The following ANXA7 variants were observed in gnomAD, a reference collection of about 807,000 sequenced individuals.
ANXA7 encodes annexin VII.
In ANXA7, 55 loss-of-function variants were observed where a neutral mutation model predicts 64.9. That is an observed-to-expected ratio of 0.85 (90% confidence interval 0.68 to 1.06). The LOEUF (loss-of-function observed/expected upper bound fraction) is 1.06, where lower values mean the gene tolerates loss of function less well. Ranked by LOEUF, ANXA7 falls within the 50% of genes least tolerant of loss-of-function variation. ANXA7 has a pLI of 0.00. For missense variants in ANXA7, 548 were observed against 582.1 expected (o/e 0.94, Z 0.60); for synonymous variants, 200 against 192.4 (o/e 1.04, Z -0.33).
At chr10:73,379,574 A>C (rs1251410181) in intron 11 of ANXA7, among the ~76,000 whole-genome samples, 1 of 152,180 alleles carries the variant, frequency 6.6e-6, no homozygotes, top group African/African-American at 2.4e-5. Context: ...AAGTGCTACA[A>C]CTATCAGGTA....
intron 1 of ANXA7, among the ~76,000 whole-genome samples, chr10:73,413,361 G>C (rs147663589): frequency 0.013 from 1,953 of 152,256 alleles, 14 homozygotes; most frequent in Non-Finnish European, 0.022. Context: ...AGACAACAGC[G>C]TCATGTCTGT....
intron 1 of ANXA7, among the ~76,000 whole-genome samples, chr10:73,412,381 T>C (rs1381551224): frequency 6.6e-6 from 1 of 152,056 alleles, no homozygotes; most frequent in Non-Finnish European, 1.5e-5. Context: ...ATTGTACATA[T>C]ATCATTTATT....
intron 12 of ANXA7, among the ~76,000 whole-genome samples, chr10:73,378,168 A>C (rs1440650326): frequency 6.6e-6 from 1 of 151,604 alleles, no homozygotes; most frequent in Non-Finnish European, 1.5e-5. Context: ...TGAGGTCAGG[A>C]GTTCGAGACC....
chr10:73,409,962 A>G (rs1281313589), intron 1 of ANXA7, among the ~76,000 whole-genome samples: 1 of 152,218 alleles, frequency 6.6e-6, no homozygotes, highest in Non-Finnish European at 1.5e-5. Context: ...GGCAAGCCAC[A>G]TGAAGAATGA....
chr10:73,387,608 T>C, intron 7 of ANXA7, 81 bp downstream of exon 7: 3 of 1,113,814 alleles, frequency 2.7e-6, no homozygotes, highest in Non-Finnish European at 4.1e-6. Context: ...CAGGTACTAA[T>C]CAAAATATAG....
chr10:73,375,976 G>A lies in ANXA7; in HGVS notation c.*119C>T. On this transcript the variant is annotated 3_prime_UTR_variant, in exon 13 of 13. Coordinates refer to ENST00000372921, the MANE Select transcript of ANXA7 (RefSeq NM_001156.5). ...AAACCAAGCACATTACCCTGATACG[G>A]TCCTTGACAGAAAGCTCTTTCGGTT... is the stretch of plus-strand genomic sequence containing the variant. 1 of 823,466 alleles carries A rather than the reference G, an allele frequency of 1.2e-6. No individual in the cohort carries two copies. Among genetic ancestry groups the A allele is most frequent in the Non-Finnish European group, 1.8e-6 (1 of 560,922 alleles). 51.0% of individuals were successfully genotyped at this position (823,466 alleles called of 1,614,324 possible). A position where few individuals can be genotyped will look rare whatever the true frequency, so the allele number is the denominator to read the frequency against.
chr10:73,387,519 C>CAAAACAAAACGAA (rs1554816528), intron 7 of ANXA7, among the ~76,000 whole-genome samples, 170 bp downstream of exon 7: 2 of 151,812 alleles, frequency 1.3e-5, no homozygotes, highest in African/African-American at 4.9e-5. Flanking sequence ...CATCTCAAAA[C>CAAAACAAAACGAA]AAAACAAAAC....
At chr10:73,387,346 C>T (rs2055391610) in intron 7 of ANXA7, among the ~76,000 whole-genome samples, 1 of 152,062 alleles carries the variant, frequency 6.6e-6, no homozygotes, top group Non-Finnish European at 1.5e-5. Flanking sequence ...GAAACTCTGT[C>T]TCTACTAAAA....
chr10:73,412,377 C>T (rs1329460319), intron 1 of ANXA7, among the ~76,000 whole-genome samples: 6 of 151,892 alleles, frequency 4.0e-5, no homozygotes, highest in Non-Finnish European at 8.8e-5. Context: ...TAGAATTGTA[C>T]ATATATCATT....
Position 73,387,738 on chromosome 10 carries a change from T to C in ANXA7, c.584A>G (p.Asn195Ser), listed in dbSNP as rs369628555. The C allele has an allele frequency of 1.8e-5, 29 of 1,614,148 alleles. No homozygotes were observed. The highest frequency in any genetic ancestry group is 8.0e-5 in the African/African-American group (6 of 75,040). ...TGCTTTAATTTTTTGCCTCTGATCA[T>C]TGGAACGGTTGGCCACCACATCCAC... ...AIVDVVANRSNDQRQKIKAAF... is the reference protein window; with the variant it reads ...AIVDVVANRSSDQRQKIKAAF... The change falls in exon 7 of 13, where the codon AAT becomes AGT. Residue 195 changes from asparagine to serine, a missense_variant. By Grantham distance (46) the Asn-to-Ser change is conservative (BLOSUM62 1). Transcript: ENST00000372921.
intron 5 of ANXA7, 90 bp downstream of exon 5, chr10:73,396,429 T>C: frequency 1.1e-6 from 1 of 933,762 alleles, no homozygotes; most frequent in Admixed American, 2.4e-5. Flanking sequence ...TAATGGGCCA[T>C]TTCCTCCGAC....
intron 2 of ANXA7, among the ~76,000 whole-genome samples, chr10:73,400,217 G>T (rs935687427): frequency 6.6e-6 from 1 of 152,070 alleles, no homozygotes; most frequent in African/African-American, 2.4e-5. Flanking sequence ...AGTCCTCAGA[G>T]TAGTATAGCT....
chr10:73,388,063 C>A (rs911054824), intron 6 of ANXA7, among the ~76,000 whole-genome samples: 3 of 151,928 alleles, frequency 2.0e-5, no homozygotes, highest in Admixed American at 6.6e-5. Context: ...CCATGTTGGC[C>A]AGGCTGGTCT....
At chr10:73,411,273 T>C (rs913312435) in intron 1 of ANXA7, among the ~76,000 whole-genome samples, 2 of 152,124 alleles carry the variant, frequency 1.3e-5, no homozygotes, top group Non-Finnish European at 2.9e-5. Flanking sequence ...TATGAAGTGA[T>C]ATAATGGACT....
Position 73,406,232 on chromosome 10 carries a change from A to G in ANXA7, c.-1-5375T>C, listed in dbSNP as rs556005310. ...CGGCCTCCCAAGGTGCTGGGATCGC[A>G]GGCATGAGCCACTGCGCCCGGCCAA... On this transcript the variant is annotated intron_variant, in intron 1 of 12. Transcript: ENST00000372921. Among the ~76,000 whole-genome samples the G allele has an allele frequency of 1.4e-4, 21 of 152,300 alleles. 1 individual carries two copies. In the East Asian group the frequency reaches 3.5e-3, roughly 25 times the overall value.
intron 1 of ANXA7, among the ~76,000 whole-genome samples, chr10:73,402,371 TG>T (rs1263340745): frequency 6.6e-6 from 1 of 152,048 alleles, no homozygotes; most frequent in African/African-American, 2.4e-5. Context: ...GGTGAATTTT[TG>T]TATTTTTTTT....
intron 5 of ANXA7, chr10:73,395,797 A>AG (rs1371729015): frequency 1.8e-6 from 1 of 543,598 alleles, no homozygotes; most frequent in East Asian, 3.7e-5. Flanking sequence ...AAAAAAAAAA[A>AG]AAAAGAAGCC....
intron 4 of ANXA7, 106 bp from the exon 5 acceptor site, chr10:73,396,689 C>A: frequency 1.5e-6 from 1 of 682,410 alleles, no homozygotes; most frequent in South Asian, 2.2e-5. Context: ...CAAGAACATT[C>A]ACACTATGAT....
chr10:73,405,992 G>A (rs769623368), intron 1 of ANXA7, among the ~76,000 whole-genome samples: 10 of 149,378 alleles, frequency 6.7e-5, no homozygotes, highest in Non-Finnish European at 3.0e-5. Flanking sequence ...TTTCGCTCTT[G>A]TCACCCCAGC....
Sources: allele counts gnomAD v4.1 joint callset (sites outside exome capture counted in the v4.1 genomes callset), GRCh38; gene constraint gnomAD v4.1.1; transcripts MANE v1.5; gene names NCBI Gene and HGNC (gene_info 2026-07-23, HGNC 2026-07-21).